Variants in ARVCF observed in about 807,000 individuals in gnomAD.
ARVCF encodes the protein splicing regulator ARVCF.
Under a neutral mutation model 90.9 loss-of-function variants are expected in ARVCF, and 66 were observed. The ratio of observed to expected loss-of-function variants is 0.73; its 90% CI spans 0.60 to 0.89. ARVCF has a LOEUF of 0.89. Ranked by LOEUF, ARVCF falls within the 40% of genes least tolerant of loss-of-function variation. The pLI, the probability that ARVCF is intolerant of heterozygous loss-of-function variation, is 0.00. For synonymous variants in ARVCF, 653 were observed against 603.4 expected, an observed-to-expected ratio of 1.08 and a Z score of -1.21; for missense variants, 1,469 against 1,382.3, an observed-to-expected ratio of 1.06 and a Z score of -1.00.
chr22:19,971,728 G>T (rs887499741), intron 18 of ARVCF, among the ~76,000 whole-genome samples, 158 bp downstream of exon 18: 1 of 152,188 alleles, frequency 6.6e-6, no homozygotes, highest in African/African-American at 2.4e-5. Flanking sequence ...AGTACCCACA[G>T]ACTGACTGGC....
chr22:19,987,154 G>A (rs1569174276), intron 3 of ARVCF: 1 of 457,598 alleles, frequency 2.2e-6, no homozygotes, highest in East Asian at 3.6e-5. Flanking sequence ...GACCAGGCTC[G>A]GCTCCGGCGC....
chr22:19,996,280 G>C (rs142213809), intron 2 of ARVCF, among the ~76,000 whole-genome samples: 10 of 151,578 alleles, frequency 6.6e-5, no homozygotes, highest in Admixed American at 5.2e-4. Context: ...ACGCACAAGC[G>C]TGACTTTGTG....
chr22:20,004,395 A>G (rs2146462281), intron 2 of ARVCF, among the ~76,000 whole-genome samples: 1 of 152,182 alleles, frequency 6.6e-6, no homozygotes, highest in Non-Finnish European at 1.5e-5. Flanking sequence ...GGCTGAGGCT[A>G]AAGAACTGCT....
In ARVCF at chr22:20,013,329, C is replaced by T. The variant is rs548244791; in HGVS notation, c.-72-2821G>A. Among the ~76,000 whole-genome samples the T allele has an allele frequency of 9.2e-5, 14 of 152,316 alleles. 1 individual carries two copies. In the South Asian group the frequency reaches 1.0e-3, roughly 11 times the overall value. On this transcript the variant is annotated intron_variant, in intron 1 of 19. Coordinates refer to ENST00000263207, the MANE Select transcript of ARVCF (RefSeq NM_001670.3). ...GAAGGACACTGCACTTTTGGGGCTA[C>T]GCAGGCACAGGGCTAGTCCTTCACT...
At chr22:19,978,200 G>A (rs1943272179) in intron 7 of ARVCF, 125 bp from the exon 8 acceptor site, 1 of 789,432 alleles carries the variant, frequency 1.3e-6, no homozygotes, top group Non-Finnish European at 1.9e-6. Flanking sequence ...GCACTAATGG[G>A]AAAGGACCCC....
chr22:20,010,790 G>A (rs535341783), intron 1 of ARVCF, among the ~76,000 whole-genome samples: 1 of 152,212 alleles, frequency 6.6e-6, no homozygotes, highest in South Asian at 2.1e-4. Flanking sequence ...GATGTGGACT[G>A]ATAATGACGT....
chr22:19,976,763 C>A (rs1943178560), intron 9 of ARVCF, 40 bp from the exon 10 acceptor site: 1 of 1,554,368 alleles, frequency 6.4e-7, no homozygotes, highest in Admixed American at 2.0e-5. Flanking sequence ...GGAGAGGAGC[C>A]TGAACAGGCA....
Position 19,980,148 on chromosome 22 carries a change from C to T in ARVCF, c.991G>A (p.Gly331Ser), listed in dbSNP as rs1466224881. Residue 331 changes from glycine (G) to serine (S), a missense_variant, in exon 6 of 20, where the codon GGC becomes AGC. Gly to Ser is a moderately conservative substitution (Grantham distance 56). Transcript: ENST00000263207. Reference protein sequence around the residue: ...VTAPLAQPERGSMGSLDRLVR... With the variant: ...VTAPLAQPERSSMGSLDRLVR... ...AGCCGGTCCAGGCTGCCCATGCTGC[C>T]CCGTTCAGGCTGGGCCAGGGGCGCC... is the stretch of plus-strand genomic sequence containing the variant. 1.3e-6 allele frequency: 2 copies of T among 1,592,178 alleles called. No individual in the cohort carries two copies. Among genetic ancestry groups the T allele is most frequent in the East Asian group, 2.2e-5 (1 of 44,482 alleles).
At chr22:19,974,901 G>A (rs1194618395) in intron 11 of ARVCF, among the ~76,000 whole-genome samples, 2 of 152,140 alleles carry the variant, frequency 1.3e-5, no homozygotes, top group African/African-American at 4.8e-5. Flanking sequence ...CAGAAATGAG[G>A]GGTCAAAACA....
At position 20,016,782 on chromosome 22, in the gene ARVCF, A is replaced by T. The variant is rs1252992934; in HGVS notation, c.-266T>A. On this transcript the variant is annotated 5_prime_UTR_variant, in exon 1 of 20. Coordinates refer to ENST00000263207, the MANE Select transcript of ARVCF (RefSeq NM_001670.3). ...CCCTCCAGGCCCAGCGCGCAACCCGAGACCCCGGGCCAGCCCTCCCGCCCT... is the reference window on the plus strand; with the variant it reads ...CCCTCCAGGCCCAGCGCGCAACCCGTGACCCCGGGCCAGCCCTCCCGCCCT... The T allele has an allele frequency of 1.3e-5, 2 of 150,886 alleles. No homozygotes were observed. The highest frequency in any genetic ancestry group is 2.4e-5 in the African/African-American group (1 of 41,070). The allele number at this position is 150,886 out of a possible 1,614,324, so 9.3% of individuals were successfully genotyped here.
Position 19,990,634 on chromosome 22 carries a change from A to G in ARVCF, c.161T>C (p.Met54Thr), listed in dbSNP as rs766685086. The change falls in exon 3 of 20, where the codon ATG becomes ACG. Residue 54 changes from methionine to threonine, a missense_variant. Physicochemically the swap from Met to Thr is moderately conservative, Grantham distance 81. Transcript: ENST00000263207. ...CATTGGCAGGGGCTGCCCACTGCCC[A>G]TGCCACCACTGACCATGCCAGGCTG... is the stretch of plus-strand genomic sequence containing the variant. ...AQQPGMVSGG[M>T]GSGQPLPMAW... 6 of 1,609,840 alleles carry G rather than the reference A, an allele frequency of 3.7e-6. No individual in the cohort carries two copies. Among genetic ancestry groups the G allele is most frequent in the Non-Finnish European group, 5.1e-6 (6 of 1,178,896 alleles).
At chr22:19,979,254 TA>T (rs1358554108) in intron 6 of ARVCF, 174 bp from the exon 7 acceptor site, 1 of 703,904 alleles carries the variant, frequency 1.4e-6, no homozygotes, top group Non-Finnish European at 2.3e-6. Context: ...GGTTTCCAGC[TA>T]GGAAGGAGCC....
downstream of ARVCF, chr22:19,969,719 G>A: frequency 1.8e-6 from 1 of 548,542 alleles, no homozygotes; most frequent in Non-Finnish European, 2.3e-6. Context: ...ACAGACCAGT[G>A]AGCCCAAGTG....
chr22:19,976,679 TGGAGAGCA>T lies in ARVCF; in HGVS notation c.1888+19_1888+26del, dbSNP rs1943172488. On this transcript the variant is annotated intron_variant, in intron 10 of 19. Coordinates refer to ENST00000263207, the MANE Select transcript of ARVCF (RefSeq NM_001670.3). ...AGGTACCCACTGCACACGCCAGGCC[TGGAGAGCA>T]GGATAAAAAGGGACTCACCTTGGTG... The T allele has an allele frequency of 6.4e-7, 1 of 1,554,454 alleles. No homozygotes were observed. The highest frequency in any genetic ancestry group is 2.0e-5 in the Admixed American group (1 of 51,138).
At chr22:20,007,244 A>T (rs956488120) in intron 2 of ARVCF, among the ~76,000 whole-genome samples, 5 of 151,964 alleles carry the variant, frequency 3.3e-5, no homozygotes, top group Admixed American at 6.6e-5. Context: ...AAAAAAAAAA[A>T]TTTAAAAATT....
In ARVCF at chr22:19,974,173, T is replaced by C; in HGVS notation, c.2027A>G (p.Asn676Ser). ...GGCGGCAGCCTCCAGGGTGTTGAAG[T>C]TCCGGCTCTCCGTGAGGAGGGAGAG... Reference protein sequence around the residue: ...LYLSLLTESRNFNTLEAAAGA... With the variant: ...LYLSLLTESRSFNTLEAAAGA... The change falls in exon 12 of 20, where the codon AAC becomes AGC. Residue 676 changes from asparagine to serine, a missense_variant. By Grantham distance (46) the Asn-to-Ser change is conservative. Transcript: ENST00000263207. The C allele has an allele frequency of 6.2e-7, 1 of 1,613,038 alleles. No individual in the cohort carries two copies. Among genetic ancestry groups the C allele is most frequent in the Non-Finnish European group, 8.5e-7 (1 of 1,179,834 alleles).
At chr22:19,985,270 G>C (rs1943706008) in intron 3 of ARVCF, among the ~76,000 whole-genome samples, 1 of 152,162 alleles carries the variant, frequency 6.6e-6, no homozygotes, top group Non-Finnish European at 1.5e-5. Flanking sequence ...CGGCCTCCCA[G>C]CACTCATCCC....
In ARVCF at chr22:19,972,848, A is replaced by G. The variant is rs772679736; in HGVS notation, c.2551-21T>C. ...GCTGACTGAGACATAAAACACAGAC[A>G]CAGGGTGGGTGAAGCACATGGAGTG... On this transcript the variant is annotated intron_variant, in intron 15 of 19. Coordinates refer to ENST00000263207, the MANE Select transcript of ARVCF (RefSeq NM_001670.3). The G allele has an allele frequency of 2.5e-6, 4 of 1,613,634 alleles. No homozygotes were observed. The East Asian group carries it at 8.9e-5, about 36-fold the overall frequency.
chr22:19,967,381 C>G (rs902227636), downstream of ARVCF: 27 of 483,728 alleles, frequency 5.6e-5, no homozygotes, highest in African/African-American at 1.0e-4. Context: ...TTTCAGCTGA[C>G]ATTGCTAGGA....
Sources: gnomAD v4.1 joint callset for allele counts (sites outside exome capture counted in the v4.1 genomes callset) on GRCh38, gnomAD v4.1.1 for gene constraint, MANE v1.5 for transcripts, NCBI Gene and HGNC (gene_info 2026-07-23, HGNC 2026-07-21) for gene names.